The following ERG variants were observed in gnomAD, a reference collection of about 807,000 sequenced individuals.
The protein encoded by ERG is transcriptional regulator ERG.
A neutral mutation model predicts 55.3 loss-of-function variants in ERG; 9 were observed. The observed-to-expected ratio is 0.16, with a 90% confidence interval of 0.10 to 0.28. ERG has a LOEUF of 0.28. ERG is among the 10% of genes least tolerant of loss of function. The probability of loss-of-function intolerance (pLI) is 1.00; values close to 1 mark genes in which losing one functional copy is unlikely to be tolerated. For synonymous variants in ERG, 223 were observed against 237.3 expected, an observed-to-expected ratio of 0.94 and a Z score of 0.55; for missense variants, 434 against 631.6, an observed-to-expected ratio of 0.69 and a Z score of 3.35.
intron 8 of ERG, 122 bp from the exon 9 acceptor site, chr21:38,391,164 C>G: frequency 6.2e-6 from 5 of 801,538 alleles, no homozygotes; most frequent in Non-Finnish European, 1.1e-5. Context: ...TGTCCTCCAA[C>G]TCCAAATCAA....
chr21:38,536,195 G>A (rs1020467124), intron 2 of ERG, among the ~76,000 whole-genome samples: 6 of 152,106 alleles, frequency 3.9e-5, no homozygotes, highest in African/African-American at 1.4e-4. Flanking sequence ...GGTAGACACT[G>A]AGGTAATCTC....
intron 1 of ERG, among the ~76,000 whole-genome samples, chr21:38,616,814 G>A (rs1316254766): frequency 6.6e-6 from 1 of 152,056 alleles, no homozygotes; most frequent in African/African-American, 2.4e-5. Context: ...ATGCCCCTTC[G>A]TCCATGGGGC....
intron 2 of ERG, among the ~76,000 whole-genome samples, chr21:38,540,804 TG>T (rs767564882): frequency 6.6e-6 from 1 of 152,220 alleles, no homozygotes; most frequent in Non-Finnish European, 1.5e-5. Context: ...GTCAGCTGAC[TG>T]GTCAACCCCA....
At chr21:38,494,091 C>G (rs2059360497) in intron 1 of ERG, among the ~76,000 whole-genome samples, 2 of 152,346 alleles carry the variant, frequency 1.3e-5, no homozygotes, top group East Asian at 3.9e-4. Context: ...AGGCTAGCTA[C>G]CTTGCCCAGG....
chr21:38,403,524 G>T lies in ERG; in HGVS notation c.574C>A (p.Leu192Ile), dbSNP rs2146456489. 1.2e-6 allele frequency: 2 copies of T among 1,614,146 alleles called. No individual in the cohort carries two copies. The highest frequency in any genetic ancestry group is 1.7e-6 in the Non-Finnish European group (2 of 1,179,978). Residue 192 changes from leucine to isoleucine, a missense_variant, in exon 4 of 10, where the codon CTC becomes ATC. Transcript: ENST00000288319. Reference sequence around the variant, plus strand: ...AGCTTACTCTCTCTGAGGTAGTGGAGATGTGAGAGAAGGATGTCGGCGTTG... The same window carrying T: ...AGCTTACTCTCTCTGAGGTAGTGGATATGTGAGAGAAGGATGTCGGCGTTG... ...SYNADILLSH[L>I]HYLRETPLPH...
At chr21:38,413,844 C>T (rs1989165012) in intron 3 of ERG, among the ~76,000 whole-genome samples, 1 of 152,156 alleles carries the variant, frequency 6.6e-6, no homozygotes, top group African/African-American at 2.4e-5. Context: ...TCTTTGTCTT[C>T]TCTTTAAATG....
chr21:38,386,955 T>C (rs199827931), intron 9 of ERG, among the ~76,000 whole-genome samples: 1 of 152,142 alleles, frequency 6.6e-6, no homozygotes, highest in African/African-American at 2.4e-5. Context: ...GGAGCGGCTG[T>C]GGCTTTTAAG....
chr21:38,652,437 A>G (rs1184149177), intron 1 of ERG, among the ~76,000 whole-genome samples: 1 of 152,228 alleles, frequency 6.6e-6, no homozygotes, highest in African/African-American at 2.4e-5. Context: ...ACAAGGATAT[A>G]TGCAATATGA....
At chr21:38,376,773 A>G (rs116776928), downstream of ERG, among the ~76,000 whole-genome samples, 2,334 of 152,342 alleles carry the variant, frequency 0.015, 24 homozygotes, top group Middle Eastern at 0.034. Context: ...CCACCAGGTT[A>G]TGGCCCAGCA....
At position 38,451,528 on chromosome 21, in the gene ERG, C is replaced by T. The variant is rs548224142; in HGVS notation, c.19-5907G>A. Among the ~76,000 whole-genome samples, 20 of 152,214 alleles carry T rather than the reference C, an allele frequency of 1.3e-4. 1 individual carries two copies. In the South Asian group the frequency reaches 2.5e-3, roughly 19 times the overall value. On this transcript the variant is annotated intron_variant, in intron 1 of 9. Coordinates refer to ENST00000288319, the MANE Select transcript of ERG (RefSeq NM_182918.4). ...ATGCTGGAGCCTATGCCACTTTGGG[C>T]GGCCTTTAGTGGATGTCTGCAGACC...
At chr21:38,431,604 A>G (rs1369210946) in intron 2 of ERG, among the ~76,000 whole-genome samples, 1 of 152,224 alleles carries the variant, frequency 6.6e-6, no homozygotes, top group Non-Finnish European at 1.5e-5. Context: ...CTGCTGAGGT[A>G]GGATACCAAT....
the ERG span, among the ~76,000 whole-genome samples, chr21:38,369,039 C>A: frequency 6.6e-6 from 1 of 152,212 alleles, no homozygotes; most frequent in Non-Finnish European, 1.5e-5. Flanking sequence ...AGGCTGATTT[C>A]ATGCCTTTGC....
At chr21:38,571,718 T>A (rs918894158) in intron 2 of ERG, among the ~76,000 whole-genome samples, 5 of 152,152 alleles carry the variant, frequency 3.3e-5, no homozygotes, top group Admixed American at 6.5e-5. Context: ...ATATTTTATA[T>A]TCCATAGTTT....
At chr21:38,516,244 C>CA (rs1033788316) in intron 2 of ERG, among the ~76,000 whole-genome samples, 17 of 151,788 alleles carry the variant, frequency 1.1e-4, no homozygotes, top group African/African-American at 4.1e-4. Flanking sequence ...CAGACTCCAC[C>CA]AAAAAACTCT....
intron 2 of ERG, among the ~76,000 whole-genome samples, chr21:38,522,365 T>C (rs1044388901): frequency 6.6e-6 from 1 of 152,178 alleles, no homozygotes; most frequent in Non-Finnish European, 1.5e-5. Context: ...AATTTACTAA[T>C]AAAAGATTCT....
chr21:38,488,039 C>T (rs1256363988), intron 1 of ERG, among the ~76,000 whole-genome samples: 2 of 152,150 alleles, frequency 1.3e-5, no homozygotes, highest in East Asian at 3.9e-4. Context: ...CTGCCCCCCA[C>T]CTGGCAGTCA....
intron 1 of ERG, among the ~76,000 whole-genome samples, chr21:38,475,059 GC>G (rs1299130583): frequency 1.3e-5 from 2 of 152,180 alleles, no homozygotes; most frequent in Non-Finnish European, 2.9e-5. Context: ...AGAGCATCTT[GC>G]CAGTTAATGC....
intron 1 of ERG, among the ~76,000 whole-genome samples, chr21:38,478,383 T>C (rs1197524209): frequency 1.3e-5 from 2 of 152,152 alleles, no homozygotes; most frequent in African/African-American, 4.8e-5. Context: ...ATGCACCATC[T>C]CCATTTTTGC....
At chr21:38,519,269 T>G (rs1251698803) in intron 2 of ERG, among the ~76,000 whole-genome samples, 2 of 152,062 alleles carry the variant, frequency 1.3e-5, no homozygotes, top group Non-Finnish European at 2.9e-5. Flanking sequence ...ATGAAAGAAT[T>G]TACAACGGTA....
Sources: gnomAD v4.1 joint callset for allele counts (sites outside exome capture counted in the v4.1 genomes callset) on GRCh38, gnomAD v4.1.1 for gene constraint, MANE v1.5 for transcripts, NCBI Gene and HGNC (gene_info 2026-07-23, HGNC 2026-07-21) for gene names.